DBH: variants seen among roughly 807,000 people sequenced by gnomAD.
The protein encoded by DBH is dopamine beta-hydroxylase.
DBH carries 49 observed loss-of-function variants against 64.0 expected under a neutral mutation model. The observed-to-expected ratio is 0.77, with a 90% CI of 0.61 to 0.97. DBH has a LOEUF of 0.97. Among genes scored for constraint, DBH ranks in the 50% least tolerant of loss-of-function variants. The pLI, the probability that DBH is intolerant of heterozygous loss-of-function variation, is 0.00. For synonymous variants in DBH, 343 were observed against 347.1 expected (o/e 0.99, Z 0.13); for missense variants, 828 against 826.6 (o/e 1.00, Z -0.02).
In DBH at chr9:133,652,257, G is replaced by A. The variant is rs762467728; in HGVS notation, c.1347G>A (p.Met449Ile). Residue 449 changes from methionine to isoleucine, a missense_variant, in exon 8 of 12, where the codon ATG becomes ATA. Transcript: ENST00000393056. ...HYSPHFQEIR[M>I]LKKVVSVHPG... is the part of the protein sequence containing the mutation. ...TCTGCCTGCCCCAGGAGATCCGCAT[G>A]TTGAAGAAGGTCGTGTCGGTCCATC... 1.9e-6 allele frequency: 3 copies of A among 1,613,874 alleles called. No homozygotes were observed. Among genetic ancestry groups the A allele is most frequent in the Admixed American group, 3.3e-5 (2 of 60,022 alleles).
At chr9:133,650,957 A>T (rs1183486452) in intron 6 of DBH, among the ~76,000 whole-genome samples, 1 of 152,224 alleles carries the variant, frequency 6.6e-6, no homozygotes, top group Non-Finnish European at 1.5e-5. Context: ...TCTTGAGATG[A>T]GGGCTGCCAT....
intron 2 of DBH, among the ~76,000 whole-genome samples, chr9:133,640,660 T>C (rs1832107420): frequency 6.6e-6 from 1 of 152,264 alleles, no homozygotes; most frequent in South Asian, 2.1e-4. Flanking sequence ...AATCCTTTGG[T>C]GTGGCAGTGG....
At chr9:133,638,072 T>G (rs2131282299) in intron 1 of DBH, among the ~76,000 whole-genome samples, 1 of 152,370 alleles carries the variant, frequency 6.6e-6, no homozygotes, top group East Asian at 1.9e-4. Context: ...GCGTCCCCCC[T>G]GCCTGCATTT....
Position 133,657,152 on chromosome 9 carries a change from C to T in DBH, c.1645C>T (p.Arg549Cys), listed in dbSNP as rs6271. ...FTSVPWNSFN[R>C]DVLKALYSFA... Reference sequence around the variant, plus strand: ...CTCTGTTCCCTGGAACTCCTTCAACCGCGACGTACTGAAGGCCCTGTACAG... The same window carrying T: ...CTCTGTTCCCTGGAACTCCTTCAACTGCGACGTACTGAAGGCCCTGTACAG... Residue 549 changes from arginine to cysteine, a missense_variant, in exon 11 of 12, where the codon CGC becomes TGC. Arg to Cys is a radical substitution (Grantham distance 180). Transcript: ENST00000393056. The T allele has an allele frequency of 0.061, 99,238 of 1,614,048 alleles. 3,557 individuals are homozygous for T. The highest frequency in any genetic ancestry group is 0.072 in the Non-Finnish European group (85,145 of 1,180,012).
chr9:133,640,390 T>C (rs1832104166), intron 2 of DBH, among the ~76,000 whole-genome samples: 1 of 151,916 alleles, frequency 6.6e-6, no homozygotes, highest in Non-Finnish European at 1.5e-5. Flanking sequence ...TGTTGCCAGC[T>C]CGCTGTGAGG....
At chr9:133,648,604 G>A (rs1474307171) in intron 6 of DBH, among the ~76,000 whole-genome samples, 1 of 152,244 alleles carries the variant, frequency 6.6e-6, no homozygotes, top group African/African-American at 2.4e-5. Context: ...CCTGAGCAGG[G>A]CAGGACTAGG....
chr9:133,641,284 G>T (rs541040658), intron 2 of DBH, among the ~76,000 whole-genome samples: 2 of 152,208 alleles, frequency 1.3e-5, no homozygotes, highest in Non-Finnish European at 2.9e-5. Flanking sequence ...GTGTGCTGGG[G>T]CAGACCTGGT....
rs1042184256 is a variant in DBH, at chr9:133,658,330, G to A, written c.1737G>A (p.Leu579=). 9 of 1,613,786 alleles carry A rather than the reference G, an allele frequency of 5.6e-6. No homozygotes were observed. Among genetic ancestry groups the A allele is most frequent in the Non-Finnish European group, 7.6e-6 (9 of 1,179,900 alleles). ...SAVRFQGEWN[L]QPLPKVISTL... ...CTTCCTTGCAGGGTGAATGGAACCTGCAGCCCCTGCCCAAGGTCATCTCCA... is the reference window on the plus strand; with the variant it reads ...CTTCCTTGCAGGGTGAATGGAACCTACAGCCCCTGCCCAAGGTCATCTCCA... Residue 579 remains leucine, a synonymous_variant, in exon 12 of 12, where the codon CTG becomes CTA. Transcript: ENST00000393056.
Position 133,657,218 on chromosome 9 carries a change from G to A in DBH, c.1711G>A (p.Val571Ile), listed in dbSNP as rs576155625. Reference sequence around the variant, plus strand: ...CATGCACTGCAACAAGTCCTCAGCCGTCCGCTTCCAGGTGCGCTGCCATGG... The same window carrying A: ...CATGCACTGCAACAAGTCCTCAGCCATCCGCTTCCAGGTGCGCTGCCATGG... ...ISMHCNKSSA[V>I]RFQGEWNLQP... Residue 571 changes from valine (V) to isoleucine (I), a missense_variant, in exon 11 of 12, where the codon GTC becomes ATC. Coordinates refer to ENST00000393056, the MANE Select transcript of DBH (RefSeq NM_000787.4). 1.4e-5 allele frequency: 22 copies of A among 1,613,952 alleles called. No individual in the cohort carries two copies. The highest frequency in any genetic ancestry group is 1.1e-4 in the South Asian group (10 of 91,090).
chr9:133,642,929 T>G (rs1832134321), intron 3 of DBH, among the ~76,000 whole-genome samples: 1 of 152,124 alleles, frequency 6.6e-6, no homozygotes, highest in South Asian at 2.1e-4. Context: ...TAAGAGCCCC[T>G]AGTTTCCAGC....
rs1036131258 is a variant in DBH at position 133,643,440 on chromosome 9, G to A, written c.772G>A (p.Glu258Lys). 1.2e-6 allele frequency: 2 copies of A among 1,613,920 alleles called. No individual in the cohort carries two copies. The highest frequency in any genetic ancestry group is 1.7e-6 in the Non-Finnish European group (2 of 1,179,992). Reference protein sequence around the residue: ...KYEPIVTKGNEALVHHMEVFQ... With the variant: ...KYEPIVTKGNKALVHHMEVFQ... ...CGAGCCCATCGTCACCAAGGGCAAT[G>A]AGGCCCTTGTCCACCACATGGAAGT... The change falls in exon 4 of 12, where the codon GAG (glutamate) becomes AAG (lysine). Residue 258 changes from glutamate (E) to lysine (K), a missense_variant. Physicochemically the swap from Glu to Lys is moderately conservative, Grantham distance 56. Transcript: ENST00000393056. The surrounding 1 kb of genome is among the most constrained non-coding windows in gnomAD (Gnocchi z 5.3).
chr9:133,646,359 A>G (rs1832181417), intron 5 of DBH, among the ~76,000 whole-genome samples: 1 of 151,496 alleles, frequency 6.6e-6, no homozygotes, highest in African/African-American at 2.4e-5. Flanking sequence ...TCCACCATGC[A>G]TCCGGGGGCA....
chr9:133,647,724 G>T, intron 5 of DBH, 122 bp from the exon 6 acceptor site: 5 of 1,210,284 alleles, frequency 4.1e-6, no homozygotes, highest in Non-Finnish European at 4.7e-6. Flanking sequence ...GGAGCAGATG[G>T]GGGGTGACCG....
chr9:133,657,251 TGGGGCATGCAGTCAGGCAGGCCTCATGG>T (rs1283512221), intron 11 of DBH, 22 bp downstream of exon 11: 1 of 1,612,944 alleles, frequency 6.2e-7, no homozygotes, highest in Admixed American at 1.7e-5. Flanking sequence ...TGGGCCCGGG[TGGGGCATGCAGTCAGGCAGGCCTCATGG>T]GGGGCCCCAG....
In DBH at chr9:133,639,871, A is replaced by G. The variant is rs762086973; in HGVS notation, c.365A>G (p.Gln122Arg). 5.6e-6 allele frequency: 9 copies of G among 1,612,386 alleles called. No homozygotes were observed. Among genetic ancestry groups the G allele is most frequent in the Non-Finnish European group, 7.6e-6 (9 of 1,179,518 alleles). ...FADAWSDQKG[Q>R]IHLDPQQDYQ... The stretch of plus-strand genomic sequence containing the variant: ...GACGCCTGGAGTGACCAGAAGGGGC[A>G]GATCCACCTGGATCCCCAGCAGGAC... Residue 122 changes from glutamine to arginine, a missense_variant, in exon 2 of 12, where the codon CAG (glutamine) becomes CGG (arginine). Physicochemically the swap from Gln to Arg is conservative, Grantham distance 43. Transcript: ENST00000393056.
rs559358044 is a variant in DBH at position 133,641,701 on chromosome 9, T to G, written c.487-506T>G. Among the ~76,000 whole-genome samples the G allele has an allele frequency of 5.9e-5, 9 of 152,310 alleles. No homozygotes were observed. In the South Asian group the frequency reaches 1.9e-3, roughly 32 times the overall value. ...GATCCATGGAGCTTTCTGTGGCTGC[T>G]TGGTCCCCTCCTGCCAAGCTGGTGG... On this transcript the variant is annotated intron_variant, in intron 2 of 11. Coordinates refer to ENST00000393056, the MANE Select transcript of DBH (RefSeq NM_000787.4).
At position 133,643,630 on chromosome 9, in the gene DBH, G is replaced by T. The variant is rs759567476; in HGVS notation, c.921+41G>T. ...CCCCAGCATGGTGTCTCCTGCCTGG[G>T]CCCCTGGCATCCCCACACCTCTGTT... On this transcript the variant is annotated intron_variant, in intron 4 of 11. Coordinates refer to ENST00000393056, the MANE Select transcript of DBH (RefSeq NM_000787.4). The surrounding 1 kb of genome is among the most constrained non-coding windows in gnomAD (Gnocchi z 5.3). The T allele has an allele frequency of 6.2e-7, 1 of 1,607,764 alleles. No homozygotes were observed. Among genetic ancestry groups the T allele is most frequent in the Admixed American group, 1.7e-5 (1 of 59,926 alleles).
At position 133,650,683 on chromosome 9, in the gene DBH, G is replaced by A. The variant is rs1832238797; in HGVS notation, c.1192-951G>A. On this transcript the variant is annotated intron_variant, in intron 6 of 11. Coordinates refer to ENST00000393056, the MANE Select transcript of DBH (RefSeq NM_000787.4). ...CTGTCTCAGCCTCCTGAGTAGCTGG[G>A]ATTACAGGCACGTGCCACCATGCCC... Among the ~76,000 whole-genome samples the A allele has an allele frequency of 3.3e-5, 5 of 151,538 alleles. No homozygotes were observed. The South Asian group carries it at 1.0e-3, about 32-fold the overall frequency.
At chr9:133,639,404 C>T (rs539858133) in intron 1 of DBH, among the ~76,000 whole-genome samples, 1 of 152,160 alleles carries the variant, frequency 6.6e-6, no homozygotes, top group African/African-American at 2.4e-5. Flanking sequence ...CAACTCTCCC[C>T]TTTCTGAGGC....
Sources: gnomAD v4.1 joint callset for allele counts (sites outside exome capture counted in the v4.1 genomes callset) on GRCh38, gnomAD v4.1.1 for gene constraint, Gnocchi (gnomAD v3.1) non-coding constraint, MANE v1.5 for transcripts, NCBI Gene and HGNC (gene_info 2026-07-23, HGNC 2026-07-21) for gene names.